PTBP3: variants seen among roughly 807,000 people sequenced by gnomAD.
PTBP3 encodes the protein polypyrimidine tract binding protein 3, also known as polypyrimidine tract-binding protein 3.
Under a neutral mutation model 58.7 loss-of-function variants are expected in PTBP3, and 20 were observed. The observed-to-expected ratio is 0.34, with a 90% CI of 0.24 to 0.50. The LOEUF (loss-of-function observed/expected upper bound fraction) is 0.50. PTBP3 is among the 20% of genes least tolerant of loss of function. The pLI is 0.98. For synonymous variants in PTBP3, 185 were observed against 219.8 expected (o/e 0.84, Z 1.40); for missense variants, 509 against 637.2 (o/e 0.80, Z 2.17).
intron 5 of PTBP3, among the ~76,000 whole-genome samples, chr9:112,257,771 C>T (rs1286004055): frequency 6.6e-6 from 1 of 152,076 alleles, no homozygotes; most frequent in East Asian, 1.9e-4. Flanking sequence ...GAAATCCCTC[C>T]TCCACTAAAA....
intron 7 of PTBP3, among the ~76,000 whole-genome samples, chr9:112,236,290 T>C (rs1260997734): frequency 6.6e-6 from 1 of 152,072 alleles, no homozygotes; most frequent in Non-Finnish European, 1.5e-5. Context: ...GAATAACTGA[T>C]GAAGTAAGAA....
intron 1 of PTBP3, among the ~76,000 whole-genome samples, chr9:112,315,811 T>A (rs1322543325): frequency 6.6e-6 from 1 of 152,212 alleles, no homozygotes; most frequent in African/African-American, 2.4e-5. Flanking sequence ...CCAACTCATG[T>A]CAGTTGTGGT....
intron 3 of PTBP3, among the ~76,000 whole-genome samples, chr9:112,271,880 G>A (rs4979091): frequency 6.6e-6 from 1 of 152,166 alleles, no homozygotes; most frequent in African/African-American, 2.4e-5. Context: ...ATTGATTTAA[G>A]TCATTCAAGT....
chr9:112,286,171 A>G (rs936414601), intron 2 of PTBP3, among the ~76,000 whole-genome samples: 26 of 152,100 alleles, frequency 1.7e-4, no homozygotes, highest in African/African-American at 5.3e-4. Flanking sequence ...TTTCTTTCCC[A>G]ACCTTTGGCT....
intron 2 of PTBP3, among the ~76,000 whole-genome samples, chr9:112,280,127 G>A (rs775907348): frequency 2.0e-5 from 3 of 151,956 alleles, no homozygotes; most frequent in East Asian, 1.9e-4. Context: ...TGATGCAATC[G>A]GCTCACTGCA....
At chr9:112,228,040 T>C (rs1835059247) in intron 11 of PTBP3, among the ~76,000 whole-genome samples, 2 of 152,188 alleles carry the variant, frequency 1.3e-5, no homozygotes, top group Admixed American at 1.3e-4. Flanking sequence ...CCCAAACTTT[T>C]AAGCCACTCA....
At chr9:112,273,284 T>C (rs1043481657) in intron 3 of PTBP3, among the ~76,000 whole-genome samples, 1 of 152,268 alleles carries the variant, frequency 6.6e-6, no homozygotes, top group Non-Finnish European at 1.5e-5. Flanking sequence ...GTCCGTGATG[T>C]ACTTTGAAGC....
At chr9:112,272,101 T>G (rs1426863994) in intron 3 of PTBP3, among the ~76,000 whole-genome samples, 1 of 151,974 alleles carries the variant, frequency 6.6e-6, no homozygotes, top group Non-Finnish European at 1.5e-5. Context: ...AGACAGAGTC[T>G]CACTACACTG....
chr9:112,330,420 A>T (rs1830321038), intron 1 of PTBP3: 1 of 1,473,962 alleles, frequency 6.8e-7, no homozygotes, highest in South Asian at 1.2e-5. Context: ...TGCATATGAA[A>T]GGATAGTAAA....
intron 2 of PTBP3, among the ~76,000 whole-genome samples, chr9:112,297,161 C>T (rs1415902038): frequency 1.3e-5 from 2 of 152,074 alleles, no homozygotes; most frequent in African/African-American, 4.8e-5. Context: ...TAAAACGTAT[C>T]GTCTTATACT....
the PTBP3 span, among the ~76,000 whole-genome samples, chr9:112,355,952 T>TTCTTTC: frequency 1.3e-5 from 2 of 151,306 alleles, no homozygotes; most frequent in Non-Finnish European, 2.9e-5. Flanking sequence ...TTTTCTTTCT[T>TTCTTTC]TCTTTCTCTT....
intron 2 of PTBP3, among the ~76,000 whole-genome samples, chr9:112,288,615 C>G (rs750966926): frequency 3.3e-5 from 5 of 152,166 alleles, no homozygotes; most frequent in Non-Finnish European, 7.3e-5. Context: ...TCTCCACTGT[C>G]TAAAAACAAC....
intron 5 of PTBP3, among the ~76,000 whole-genome samples, chr9:112,257,077 T>C (rs1326262344): frequency 6.6e-6 from 1 of 152,226 alleles, no homozygotes; most frequent in Admixed American, 6.5e-5. Context: ...ATTCCTTTTC[T>C]CATTTAACTT....
chr9:112,221,576 C>A lies in PTBP3; in HGVS notation c.*2275G>T. On this transcript the variant is annotated 3_prime_UTR_variant, in exon 14 of 14. Coordinates refer to ENST00000374257, the MANE Select transcript of PTBP3 (RefSeq NM_001163788.4). ...AAAAAGCAAGTTTTGGGAGATTTTGCAAAGAAATTTTTTTCCTCCTTCATA... is the reference window on the plus strand; with the variant it reads ...AAAAAGCAAGTTTTGGGAGATTTTGAAAAGAAATTTTTTTCCTCCTTCATA... The A allele has an allele frequency of 5.1e-6, 5 of 985,440 alleles. No homozygotes were observed. The South Asian group carries it at 1.4e-4, about 28-fold the overall frequency. The allele number at this position is 985,440 out of a possible 1,614,324, so 61.0% of individuals were successfully genotyped here. A position where few individuals can be genotyped will look rare whatever the true frequency, so the allele number is the denominator to read the frequency against.
In PTBP3 at chr9:112,297,826, ACTC is replaced by A; in HGVS notation, c.34+3_34+5del. 6 of 1,548,316 alleles carry A rather than the reference ACTC, an allele frequency of 3.9e-6. No individual in the cohort carries two copies. In the East Asian group the frequency reaches 1.1e-4, roughly 30 times the overall value. The stretch of plus-strand genomic sequence containing the variant: ...ATCAAATATTAAAAAAAAAAAAAAA[ACTC>A]ACCATACACACCTGTAGAAGGAGTA... On this transcript the variant is annotated splice_donor_5th_base_variant and intron_variant, in intron 2 of 13. Coordinates refer to ENST00000374257, the MANE Select transcript of PTBP3 (RefSeq NM_001163788.4).
chr9:112,364,404 A>G, the PTBP3 span, among the ~76,000 whole-genome samples: 1 of 152,150 alleles, frequency 6.6e-6, no homozygotes, highest in Non-Finnish European at 1.5e-5. Flanking sequence ...CATGCCTGTA[A>G]TCCCAGCACT....
At chr9:112,252,936 ACATTT>A in intron 5 of PTBP3, 148 bp from the exon 6 acceptor site, 1 of 595,332 alleles carries the variant, frequency 1.7e-6, no homozygotes, top group South Asian at 2.1e-5. Flanking sequence ...TAAAACATTA[ACATTT>A]CAATACCCAT....
chr9:112,247,250 A>AT (rs1198513900), intron 7 of PTBP3, among the ~76,000 whole-genome samples: 3 of 148,872 alleles, frequency 2.0e-5, no homozygotes, highest in Non-Finnish European at 4.4e-5. Context: ...TGGGCAACAG[A>AT]TTAAGTCCCT....
intron 2 of PTBP3, among the ~76,000 whole-genome samples, chr9:112,282,231 T>C (rs974855593): frequency 1.3e-5 from 2 of 152,212 alleles, no homozygotes; most frequent in Non-Finnish European, 2.9e-5. Context: ...TTAATGACTG[T>C]AGAATCATTC....
Sources: gnomAD v4.1 joint callset for allele counts (sites outside exome capture counted in the v4.1 genomes callset) on GRCh38, gnomAD v4.1.1 for gene constraint, MANE v1.5 for transcripts, NCBI Gene and HGNC (gene_info 2026-07-23, HGNC 2026-07-21) for gene names.